PHLPP1: variants seen among roughly 807,000 people sequenced by gnomAD.
The protein encoded by PHLPP1 is PH domain and leucine rich repeat protein phosphatase 1, also known as PH domain leucine-rich repeat-containing protein phosphatase 1.
A neutral mutation model predicts 117.2 loss-of-function variants in PHLPP1; 42 were observed. The observed-to-expected ratio is 0.36, with a 90% CI of 0.28 to 0.46. The LOEUF is 0.46. Ranked by LOEUF, PHLPP1 falls within the 20% of genes least tolerant of loss-of-function variation. PHLPP1 has a pLI of 1.00. For missense variants in PHLPP1, 2,084 were observed against 2,241.9 expected (o/e 0.93, Z 1.42); for synonymous variants, 1,042 against 970.7 (o/e 1.07, Z -1.37).
chr18:62,874,379 C>T (rs111893772), intron 4 of PHLPP1, among the ~76,000 whole-genome samples: 10,385 of 151,838 alleles, frequency 0.068, 429 homozygotes, highest in Middle Eastern at 0.13. Flanking sequence ...CATGGTGGTG[C>T]GCACCTGTAA....
At chr18:62,795,819 C>A (rs1441980334) in intron 1 of PHLPP1, among the ~76,000 whole-genome samples, 1 of 152,146 alleles carries the variant, frequency 6.6e-6, no homozygotes, top group African/African-American at 2.4e-5. Context: ...TCTTATTGAT[C>A]AATTGCCTGG....
chr18:62,829,264 T>C (rs1196095430), intron 1 of PHLPP1, among the ~76,000 whole-genome samples: 1 of 152,184 alleles, frequency 6.6e-6, no homozygotes, highest in Non-Finnish European at 1.5e-5. Flanking sequence ...AAATATACAT[T>C]GAATATCTGT....
At chr18:62,964,282 A>G (rs1046143860) in intron 14 of PHLPP1, among the ~76,000 whole-genome samples, 7 of 152,210 alleles carry the variant, frequency 4.6e-5, no homozygotes, top group Non-Finnish European at 8.8e-5. Context: ...CAGTAAGGTA[A>G]GGAAAGTTTT....
intron 7 of PHLPP1, among the ~76,000 whole-genome samples, 155 bp downstream of exon 7, chr18:62,903,321 T>C (rs1473727517): frequency 2.6e-5 from 4 of 152,180 alleles, no homozygotes; most frequent in African/African-American, 7.2e-5. Context: ...TGCTGACTTA[T>C]TGTTTAAAGG....
rs182618661 is a variant in PHLPP1, at chr18:62,978,784, C to G, written c.4507C>G (p.Leu1503Val). 2.5e-3 allele frequency: 4,028 copies of G among 1,612,688 alleles called. 8 individuals are homozygous for G. The highest frequency in any genetic ancestry group is 2.9e-3 in the Non-Finnish European group (3,472 of 1,179,478). ...CTCCGATGAGCCCCCGCCCGGAGCC[C>G]TAAGCGAGAACAGCCCTGCCTACCC... ...TASDEPPPGALSENSPAYPSE... is the reference protein window; with the variant it reads ...TASDEPPPGAVSENSPAYPSE... Residue 1503 changes from leucine to valine, a missense_variant, in exon 17 of 17, where the codon CTA (leucine) becomes GTA (valine). Transcript: ENST00000262719. The surrounding 1 kb of genome is among the most constrained non-coding windows in gnomAD (Gnocchi z 7.0).
intron 14 of PHLPP1, among the ~76,000 whole-genome samples, chr18:62,969,724 C>T (rs1434651512): frequency 6.6e-6 from 1 of 152,190 alleles, no homozygotes; most frequent in Non-Finnish European, 1.5e-5. Flanking sequence ...TTATGACTCT[C>T]TATTCCTATA....
At chr18:62,798,932 C>A (rs924212919) in intron 1 of PHLPP1, among the ~76,000 whole-genome samples, 1 of 152,078 alleles carries the variant, frequency 6.6e-6, no homozygotes, top group Non-Finnish European at 1.5e-5. Context: ...AAACAAAAAA[C>A]AAAACTCAGA....
intron 6 of PHLPP1, among the ~76,000 whole-genome samples, chr18:62,901,051 T>G (rs1475762051): frequency 1.3e-5 from 2 of 152,212 alleles, no homozygotes; most frequent in Non-Finnish European, 2.9e-5. Context: ...TTAGCTTTCT[T>G]TTTTGTTACA....
intron 1 of PHLPP1, among the ~76,000 whole-genome samples, chr18:62,821,138 T>G (rs1390585012): frequency 6.6e-6 from 1 of 152,020 alleles, no homozygotes; most frequent in Non-Finnish European, 1.5e-5. Flanking sequence ...ATCTCAAAAT[T>G]AGTAAAAGAT....
At chr18:62,795,492 C>CAAAA (rs11291832) in intron 1 of PHLPP1, among the ~76,000 whole-genome samples, 16 of 61,302 alleles carry the variant, frequency 2.6e-4, no homozygotes, top group Admixed American at 5.2e-4. Context: ...GACTCCATCT[C>CAAAA]AAAAAAAAAA....
intron 1 of PHLPP1, among the ~76,000 whole-genome samples, chr18:62,732,440 C>G (rs570691036): frequency 6.6e-6 from 1 of 152,140 alleles, no homozygotes; most frequent in Non-Finnish European, 1.5e-5. Flanking sequence ...ATTTTTGAGA[C>G]CTACTGCTCA....
intron 6 of PHLPP1, among the ~76,000 whole-genome samples, chr18:62,900,979 C>T (rs545845033): frequency 6.6e-6 from 1 of 152,298 alleles, no homozygotes; most frequent in East Asian, 1.9e-4. Flanking sequence ...AGCTGAATTA[C>T]TGTGTGAACC....
Position 62,715,755 on chromosome 18 carries a change from G to A in PHLPP1, c.72G>A (p.Pro24=), listed in dbSNP as rs1480742670. 1 of 1,118,554 alleles carries A rather than the reference G, an allele frequency of 8.9e-7. No individual in the cohort carries two copies. The highest frequency in any genetic ancestry group is 1.1e-6 in the Non-Finnish European group (1 of 907,130). 69.3% of individuals were successfully genotyped at this position (1,118,554 alleles called of 1,614,324 possible). The change falls in exon 1 of 17, where the codon CCG becomes CCA. Residue 24 remains proline (P), a synonymous_variant. Coordinates refer to ENST00000262719, the MANE Select transcript of PHLPP1 (RefSeq NM_194449.4). ...GCAGGGAGGACCGAGCTTCGGCTCCGGCGGCCGCCGCTGCGGCAGCAGCAG... is the reference window on the plus strand; with the variant it reads ...GCAGGGAGGACCGAGCTTCGGCTCCAGCGGCCGCCGCTGCGGCAGCAGCAG... The part of the protein sequence containing the change: ...ELGREDRASA[P]AAAAAAAAAA...
chr18:62,772,830 C>CAA lies in PHLPP1; in HGVS notation c.1576+55589_1576+55590dup, dbSNP rs59776161. Among the ~76,000 whole-genome samples, 297 of 60,996 alleles carry CAA rather than the reference C, an allele frequency of 4.9e-3. 2 individuals carry two copies. Among genetic ancestry groups the CAA allele is most frequent in the Middle Eastern group, 8.1e-3 (1 of 124 alleles). 40.0% of individuals were successfully genotyped at this position (60,996 alleles called of 152,430 possible). On this transcript the variant is annotated intron_variant, in intron 1 of 16. Transcript: ENST00000262719. ...TGGGCTACTAAGCAAGACTCTTTCTCAAAAAAAAAAAAAAAAAAAGATTTT... is the reference window on the plus strand; with the variant it reads ...TGGGCTACTAAGCAAGACTCTTTCTCAAAAAAAAAAAAAAAAAAAAAGATTTT...
chr18:62,825,978 C>G (rs1419528805), intron 1 of PHLPP1, among the ~76,000 whole-genome samples: 1 of 152,052 alleles, frequency 6.6e-6, no homozygotes, highest in African/African-American at 2.4e-5. Context: ...AGAATAAATT[C>G]GGCTATAGGA....
At chr18:62,764,209 C>A (rs937858600) in intron 1 of PHLPP1, among the ~76,000 whole-genome samples, 87 of 141,434 alleles carry the variant, frequency 6.2e-4, no homozygotes, top group African/African-American at 1.8e-3. Flanking sequence ...AAACACAAAA[C>A]AAACAAACAA....
At chr18:62,823,373 G>C (rs1311049584) in intron 1 of PHLPP1, among the ~76,000 whole-genome samples, 1 of 151,912 alleles carries the variant, frequency 6.6e-6, no homozygotes, top group Non-Finnish European at 1.5e-5. Flanking sequence ...AGACCAGCTT[G>C]GGCAACATAG....
At chr18:62,725,424 C>T (rs1412188867) in intron 1 of PHLPP1, among the ~76,000 whole-genome samples, 1 of 151,324 alleles carries the variant, frequency 6.6e-6, no homozygotes, top group Non-Finnish European at 1.5e-5. Flanking sequence ...TCAACATTAT[C>T]TTCTTTGAAT....
At chr18:62,852,280 A>C (rs1428218785) in intron 3 of PHLPP1, among the ~76,000 whole-genome samples, 1 of 152,174 alleles carries the variant, frequency 6.6e-6, no homozygotes, top group East Asian at 1.9e-4. Flanking sequence ...ATAAGTATAA[A>C]ACTGGTAGCT....
Sources: allele counts gnomAD v4.1 joint callset (sites outside exome capture counted in the v4.1 genomes callset), GRCh38; gene constraint gnomAD v4.1.1; non-coding constraint Gnocchi (gnomAD v3.1); transcripts MANE v1.5; gene names NCBI Gene and HGNC (gene_info 2026-07-23, HGNC 2026-07-21).